SLCO3A1: variants seen among roughly 807,000 people sequenced by gnomAD.
SLCO3A1 encodes the protein solute carrier organic anion transporter family member 3A1.
In SLCO3A1, 27 loss-of-function variants were observed where a neutral mutation model predicts 63.1. The observed-to-expected ratio is 0.43, with a 90% confidence interval of 0.32 to 0.59. The LOEUF is 0.59. SLCO3A1 is among the 20% of genes least tolerant of loss of function. SLCO3A1 has a pLI of 0.09. For missense variants in SLCO3A1, 773 were observed against 945.8 expected (o/e 0.82, Z 2.40); for synonymous variants, 473 against 409.9 (o/e 1.15, Z -1.86).
In SLCO3A1 at chr15:92,137,615, C is replaced by A. The variant is rs1448567371; in HGVS notation, c.1512+9126C>A. Among the ~76,000 whole-genome samples the A allele has an allele frequency of 8.2e-5, 9 of 109,392 alleles. 2 individuals are homozygous for A. The highest frequency in any genetic ancestry group is 1.6e-4 in the Non-Finnish European group (9 of 56,868). The allele number at this position is 109,392 out of a possible 152,430, so 71.8% of individuals were successfully genotyped here. ...ACTGTGTAAAAGTGTTCCTATTTCT[C>A]CACATCCTCTCCAGCACCTGTTGTG... is the stretch of plus-strand genomic sequence containing the variant. On this transcript the variant is annotated intron_variant, in intron 7 of 9. Coordinates refer to ENST00000318445, the MANE Select transcript of SLCO3A1 (RefSeq NM_013272.4).
chr15:92,030,877 T>C (rs565992877), intron 2 of SLCO3A1, among the ~76,000 whole-genome samples: 21 of 152,266 alleles, frequency 1.4e-4, no homozygotes, highest in African/African-American at 5.1e-4. Flanking sequence ...CACCCTTGAC[T>C]CAGCAGTTGG....
chr15:92,171,587 A>T, intron 10 of SLCO3A1: 1 of 541,800 alleles, frequency 1.8e-6, no homozygotes, highest in Admixed American at 3.2e-5. Flanking sequence ...CCTTCAAAAA[A>T]GTCTCTGGGC....
chr15:92,141,770 A>G (rs1008156877), intron 7 of SLCO3A1, among the ~76,000 whole-genome samples: 12 of 152,184 alleles, frequency 7.9e-5, no homozygotes, highest in Non-Finnish European at 1.0e-4. Context: ...TCCCTCCTTA[A>G]CAGCCTCACG....
chr15:91,880,405 C>G (rs78621923), intron 1 of SLCO3A1, among the ~76,000 whole-genome samples: 98,216 of 141,330 alleles, frequency 0.69, 34,570 homozygotes, highest in East Asian at 0.98. Context: ...CTCTCTCTCT[C>G]TCTCTGTGTG....
At chr15:92,079,906 T>G (rs1219183066) in intron 2 of SLCO3A1, among the ~76,000 whole-genome samples, 13 of 152,246 alleles carry the variant, frequency 8.5e-5, no homozygotes, top group Non-Finnish European at 1.9e-4. Flanking sequence ...TCTGAGAGGA[T>G]GTCCCTAGAG....
At chr15:91,924,230 G>A (rs148034629) in intron 2 of SLCO3A1, among the ~76,000 whole-genome samples, 208 of 152,300 alleles carry the variant, frequency 1.4e-3, no homozygotes, top group African/African-American at 4.8e-3. Context: ...CTGGGGAGCT[G>A]GTCCTTGCCT....
chr15:92,019,441 C>T (rs2046479785), intron 2 of SLCO3A1, among the ~76,000 whole-genome samples: 1 of 152,210 alleles, frequency 6.6e-6, no homozygotes, highest in African/African-American at 2.4e-5. Context: ...CCTTCACCCC[C>T]AGAGGCTTCC....
At chr15:91,974,587 G>C (rs1049390303) in intron 2 of SLCO3A1, among the ~76,000 whole-genome samples, 7 of 151,958 alleles carry the variant, frequency 4.6e-5, no homozygotes, top group Non-Finnish European at 1.0e-4. Context: ...AGGCAGGGTA[G>C]GCGTGTGCTG....
chr15:91,901,533 T>C (rs1597103702), intron 1 of SLCO3A1, among the ~76,000 whole-genome samples: 1 of 152,224 alleles, frequency 6.6e-6, no homozygotes, highest in African/African-American at 2.4e-5. Context: ...GCAAGGAAGA[T>C]TTGCTAGCAG....
At chr15:92,109,842 G>C (rs1596109587) in intron 4 of SLCO3A1, among the ~76,000 whole-genome samples, 1 of 152,108 alleles carries the variant, frequency 6.6e-6, no homozygotes, top group Non-Finnish European at 1.5e-5. Context: ...CCTGATCAGG[G>C]ATCAGGACAC....
chr15:92,020,618 A>C (rs1174258128), intron 2 of SLCO3A1, among the ~76,000 whole-genome samples: 2 of 152,206 alleles, frequency 1.3e-5, no homozygotes, highest in African/African-American at 4.8e-5. Flanking sequence ...AGGAGGATGG[A>C]TAGACAGTAA....
intron 2 of SLCO3A1, among the ~76,000 whole-genome samples, chr15:92,049,277 G>A (rs1370523382): frequency 6.6e-6 from 1 of 152,112 alleles, no homozygotes; most frequent in Non-Finnish European, 1.5e-5. Flanking sequence ...CCTTATTAAA[G>A]TCTCTTAGTC....
chr15:91,944,844 T>C (rs1899749011), intron 2 of SLCO3A1, among the ~76,000 whole-genome samples: 1 of 152,106 alleles, frequency 6.6e-6, no homozygotes, highest in Non-Finnish European at 1.5e-5. Flanking sequence ...TCTCCCCCTC[T>C]TTTTTTGGGT....
At chr15:92,082,705 C>G (rs530930306) in intron 2 of SLCO3A1, among the ~76,000 whole-genome samples, 1 of 152,308 alleles carries the variant, frequency 6.6e-6, no homozygotes, top group Non-Finnish European at 1.5e-5. Flanking sequence ...GACTGATAAC[C>G]CTTCTTCCCA....
intron 2 of SLCO3A1, among the ~76,000 whole-genome samples, chr15:92,083,171 G>A (rs1227544488): frequency 1.3e-5 from 2 of 152,302 alleles, no homozygotes; most frequent in East Asian, 3.9e-4. Flanking sequence ...AGCCCTGCGA[G>A]ATATTATAGG....
chr15:92,171,671 C>A, intron 10 of SLCO3A1: 1 of 788,352 alleles, frequency 1.3e-6, no homozygotes, highest in African/African-American at 1.7e-5. Flanking sequence ...ACTCTTGTCC[C>A]TTCACTGCAA....
chr15:92,147,154 C>G lies in SLCO3A1; in HGVS notation c.1683C>G (p.Leu561=), dbSNP rs376203894. The G allele has an allele frequency of 2.5e-6, 4 of 1,611,416 alleles. No individual in the cohort carries two copies. Residue 561 remains leucine, a synonymous_variant, in exon 8 of 10, where the codon CTC becomes CTG. Coordinates refer to ENST00000318445, the MANE Select transcript of SLCO3A1 (RefSeq NM_013272.4). The part of the protein sequence containing the change: ...AMAQTPSVII[L]IRTVSPELKS... ...CACAGACACCCTCAGTCATCATCCT[C>G]ATCAGGTAAGCCCTCGGCACAGCCC... is the stretch of plus-strand genomic sequence containing the variant.
At chr15:92,101,090 A>G (rs1705885572) in intron 3 of SLCO3A1, among the ~76,000 whole-genome samples, 1 of 152,226 alleles carries the variant, frequency 6.6e-6, no homozygotes, top group African/African-American at 2.4e-5. Flanking sequence ...GTCCTCTTCC[A>G]GCCACACAGA....
At chr15:92,121,196 T>A (rs2047859229) in intron 5 of SLCO3A1, among the ~76,000 whole-genome samples, 1 of 152,248 alleles carries the variant, frequency 6.6e-6, no homozygotes, top group Non-Finnish European at 1.5e-5. Flanking sequence ...CAGTTTGCAC[T>A]CATGAGAAGC....
Sources: gnomAD v4.1 joint callset for allele counts (sites outside exome capture counted in the v4.1 genomes callset) on GRCh38, gnomAD v4.1.1 for gene constraint, MANE v1.5 for transcripts, NCBI Gene and HGNC (gene_info 2026-07-23, HGNC 2026-07-21) for gene names.